The following ZFX variants were observed in gnomAD, a reference collection of about 807,000 sequenced individuals.
The protein encoded by ZFX is zinc finger protein X-linked, also known as zinc finger X-chromosomal protein.
For missense variants in ZFX, 362 were observed against 628.3 expected, an observed-to-expected ratio of 0.58 and a Z score of 4.53; for synonymous variants, 196 against 226.8, an observed-to-expected ratio of 0.86 and a Z score of 1.22.
chrX:24,153,061 T>C (rs942291345), intron 3 of ZFX, among the ~76,000 whole-genome samples: 2 of 112,344 alleles, frequency 1.8e-5, no homozygotes, highest in Non-Finnish European at 3.8e-5. Flanking sequence ...TTTTTCCACA[T>C]TGCTTTTTGT....
intron 4 of ZFX, among the ~76,000 whole-genome samples, chrX:24,177,185 G>A (rs750402022): frequency 2.7e-5 from 3 of 112,116 alleles, no homozygotes; most frequent in Non-Finnish European, 5.6e-5. Flanking sequence ...GCCCACTTCG[G>A]CCTCCCAAAG....
At chrX:24,162,761 A>G in intron 3 of ZFX, among the ~76,000 whole-genome samples, 1 of 111,710 alleles carries the variant, frequency 9.0e-6, no homozygotes. Flanking sequence ...GTTTTTTAGT[A>G]GATTCAGAGT....
intron 3 of ZFX, among the ~76,000 whole-genome samples, chrX:24,165,289 T>G (rs1452561759): frequency 9.0e-6 from 1 of 111,555 alleles, no homozygotes; most frequent in East Asian, 2.8e-4. Flanking sequence ...CCTGGCTAAT[T>G]TTTTGTATTG....
intron 4 of ZFX, chrX:24,173,758 T>A (rs1448045808): frequency 6.3e-6 from 2 of 316,618 alleles, no homozygotes; most frequent in South Asian, 6.2e-5. Context: ...CTTTTGTATT[T>A]TTTTTTTTTT....
chrX:24,201,079 T>A (rs1937264562), intron 5 of ZFX, among the ~76,000 whole-genome samples: 1 of 112,150 alleles, frequency 8.9e-6, no homozygotes, highest in African/African-American at 3.2e-5. Context: ...TTTGTCTGTT[T>A]TTAGAAATTC....
In ZFX at chrX:24,160,342, A is replaced by G. The variant is rs1489740756; in HGVS notation, c.-29+7512A>G. Among the ~76,000 whole-genome samples the G allele has an allele frequency of 4.3e-5, 4 of 92,871 alleles. No individual in the cohort carries two copies. In the East Asian group the frequency reaches 1.3e-3, roughly 29 times the overall value. 80.6% of individuals were successfully genotyped at this position (92,871 alleles called of 115,157 possible). A position where few individuals can be genotyped will look rare whatever the true frequency, so the allele number is the denominator to read the frequency against. ...GAGAGCGGGTCTCGCTCTGTCGCCC[A>G]AGGTGGAGTGCAGTGGCGCACTCTC... On this transcript the variant is annotated intron_variant, in intron 3 of 9. Coordinates refer to ENST00000304543, the MANE Select transcript of ZFX (RefSeq NM_003410.4).
intron 5 of ZFX, among the ~76,000 whole-genome samples, chrX:24,205,033 T>C (rs748343903): frequency 1.2e-4 from 14 of 112,627 alleles, no homozygotes; most frequent in African/African-American, 4.2e-4. Flanking sequence ...ATTCACTGTT[T>C]GTTGAACTGA....
At chrX:24,207,234 CAAA>C in intron 5 of ZFX, 89 bp from the exon 6 acceptor site, 3 of 831,173 alleles carry the variant, frequency 3.6e-6, no homozygotes, top group Non-Finnish European at 4.8e-6. Flanking sequence ...GACTCCGTCT[CAAA>C]AAAAAAAATT....
At chrX:24,173,692 C>A in intron 4 of ZFX, 1 of 617,920 alleles carries the variant, frequency 1.6e-6, no homozygotes, top group Non-Finnish European at 2.6e-6. Context: ...CTCAAGTGAT[C>A]TGCTCAGCTT....
intron 3 of ZFX, among the ~76,000 whole-genome samples, chrX:24,170,448 C>T (rs1934468864): frequency 9.1e-6 from 1 of 109,824 alleles, no homozygotes; most frequent in Admixed American, 9.7e-5. Flanking sequence ...TGAGCCACCA[C>T]GTCCAGCCAA....
At chrX:24,156,416 T>C (rs912437042) in intron 3 of ZFX, among the ~76,000 whole-genome samples, 1 of 111,188 alleles carries the variant, frequency 9.0e-6, no homozygotes, top group Non-Finnish European at 1.9e-5. Context: ...GTAATGATAC[T>C]GTGCTGTTTC....
intron 5 of ZFX, among the ~76,000 whole-genome samples, chrX:24,204,772 C>G (rs1937517548): frequency 8.9e-6 from 1 of 112,084 alleles, no homozygotes; most frequent in African/African-American, 3.2e-5. Flanking sequence ...GTTACTCAAC[C>G]TCTCTAAACT....
At chrX:24,149,332 C>T, upstream of ZFX, 1 of 109,846 alleles carries the variant, frequency 9.1e-6, no homozygotes, top group Non-Finnish European at 1.9e-5. Flanking sequence ...GCCTGCCTCT[C>T]CGCGGGGTCG....
At position 24,211,973 on chromosome X, in the gene ZFX, G is replaced by A. The variant is rs1396453948; in HGVS notation, c.*597G>A. The A allele has an allele frequency of 8.9e-6, 1 of 112,832 alleles. No homozygotes were observed. The highest frequency in any genetic ancestry group is 1.9e-5 in the Non-Finnish European group (1 of 53,326). The allele number at this position is 112,832 out of a possible 1,213,427, so 9.3% of individuals were successfully genotyped here. ...AGTAAAGAGCAGTGGCTGGGTTCGTGTTTACTTTTCAAATATACTTCTTTT... is the reference window on the plus strand; with the variant it reads ...AGTAAAGAGCAGTGGCTGGGTTCGTATTTACTTTTCAAATATACTTCTTTT... On this transcript the variant is annotated 3_prime_UTR_variant, in exon 10 of 10. Transcript: ENST00000304543.
intron 5 of ZFX, among the ~76,000 whole-genome samples, chrX:24,206,208 C>T (rs1286366285): frequency 1.8e-5 from 2 of 112,016 alleles, no homozygotes; most frequent in Non-Finnish European, 3.8e-5. Context: ...TGTGGTGTAC[C>T]TTTCTGGCAA....
chrX:24,181,441 A>C (rs774286114), intron 5 of ZFX, among the ~76,000 whole-genome samples: 1 of 111,812 alleles, frequency 8.9e-6, no homozygotes, highest in Non-Finnish European at 1.9e-5. Flanking sequence ...GACCTTTGAA[A>C]TCAAGGATGA....
intron 5 of ZFX, among the ~76,000 whole-genome samples, chrX:24,184,799 C>T (rs1935969274): frequency 9.0e-6 from 1 of 111,023 alleles, no homozygotes; most frequent in African/African-American, 3.3e-5. Flanking sequence ...AAAACATATC[C>T]AAACTCAAAT....
intron 4 of ZFX, chrX:24,175,432 C>T (rs746679835): frequency 2.4e-4 from 27 of 112,256 alleles, no homozygotes; most frequent in African/African-American, 8.4e-4. Flanking sequence ...ATCATCACCA[C>T]AGTCCTGTGA....
Position 24,179,447 on chromosome X carries a change from T to C in ZFX, c.323T>C (p.Leu108Ser), listed in dbSNP as rs369125267. ...TCAGATGTAACTGAAGAAGTTTCTT[T>C]AGCACATTGCACAGTCCCAGATGAT... ...LDSDVTEEVS[L>S]AHCTVPDDVL... is the part of the protein sequence containing the mutation. Residue 108 changes from leucine to serine, a missense_variant, in exon 5 of 10, where the codon TTA (leucine) becomes TCA (serine). Physicochemically the swap from Leu to Ser is moderately radical, Grantham distance 145 (BLOSUM62 -2). Transcript: ENST00000304543. The C allele has an allele frequency of 1.1e-5, 13 of 1,211,111 alleles. No individual in the cohort carries two copies. Among genetic ancestry groups the C allele is most frequent in the African/African-American group, 1.7e-5 (1 of 57,473 alleles).
Sources: allele counts gnomAD v4.1 joint callset (sites outside exome capture counted in the v4.1 genomes callset), GRCh38; gene constraint gnomAD v4.1.1; transcripts MANE v1.5; gene names NCBI Gene and HGNC (gene_info 2026-07-23, HGNC 2026-07-21).